ARID1B: variants seen among roughly 807,000 people sequenced by gnomAD.
ARID1B encodes AT-rich interaction domain 1B.
Under a neutral mutation model 212.3 loss-of-function variants are expected in ARID1B, and 30 were observed. That is an observed-to-expected ratio of 0.14 (90% CI 0.11 to 0.19). The LOEUF is 0.19. Among genes scored for constraint, ARID1B ranks in the 10% least tolerant of loss-of-function variants. The probability of loss-of-function intolerance (pLI) is 1.00; values close to 1 mark genes in which losing one functional copy is unlikely to be tolerated. For synonymous variants in ARID1B, 1,402 were observed against 1,301.7 expected (o/e 1.08, Z -1.66); for missense variants, 2,891 against 3,204.0 (o/e 0.90, Z 2.36).
At chr6:157,071,008 C>T (rs539516092) in intron 4 of ARID1B, among the ~76,000 whole-genome samples, 43 of 152,306 alleles carry the variant, frequency 2.8e-4, no homozygotes, top group African/African-American at 9.6e-4. Flanking sequence ...TCGTGCAGCT[C>T]GGAGCAGATT....
intron 2 of ARID1B, among the ~76,000 whole-genome samples, chr6:156,887,500 A>G (rs1787606058): frequency 1.3e-5 from 2 of 152,232 alleles, no homozygotes; most frequent in Admixed American, 6.5e-5. Context: ...AAGTATCTTC[A>G]TGGAACACTT....
At chr6:156,984,269 A>G (rs1474023527) in intron 4 of ARID1B, among the ~76,000 whole-genome samples, 1 of 152,308 alleles carries the variant, frequency 6.6e-6, no homozygotes, top group East Asian at 1.9e-4. Context: ...CATTAGTTTA[A>G]TAATCATTGG....
chr6:157,188,887 A>G (rs1478064640), intron 13 of ARID1B, among the ~76,000 whole-genome samples: 2 of 152,242 alleles, frequency 1.3e-5, no homozygotes, highest in African/African-American at 2.4e-5. Context: ...AATTTTTCCA[A>G]GAGTCCCACA....
intron 8 of ARID1B, among the ~76,000 whole-genome samples, chr6:157,162,127 C>T (rs568349834): frequency 6.6e-6 from 1 of 152,352 alleles, no homozygotes; most frequent in Admixed American, 6.5e-5. Context: ...CCACACACTT[C>T]ACCGTCTGTC....
At chr6:157,136,572 A>G (rs996477452) in intron 7 of ARID1B, among the ~76,000 whole-genome samples, 7 of 152,186 alleles carry the variant, frequency 4.6e-5, no homozygotes, top group Non-Finnish European at 1.0e-4. Flanking sequence ...TATATATAAA[A>G]AATTACTGGT....
At chr6:157,152,526 C>T (rs1231034576) in intron 8 of ARID1B, 1 of 152,180 alleles carries the variant, frequency 6.6e-6, no homozygotes. Flanking sequence ...CTACACTATT[C>T]TTTCTAAAAA....
At chr6:157,114,668 A>C (rs999076028) in intron 6 of ARID1B, among the ~76,000 whole-genome samples, 1 of 152,202 alleles carries the variant, frequency 6.6e-6, no homozygotes, top group East Asian at 1.9e-4. Flanking sequence ...TGTTTTAATA[A>C]ATAAGATTCT....
At chr6:157,167,794 G>A (rs1562318635) in intron 9 of ARID1B, 1 of 152,408 alleles carries the variant, frequency 6.6e-6, no homozygotes, top group Non-Finnish European at 1.5e-5. Flanking sequence ...TAGCCAATGT[G>A]TGGAAAATAT....
chr6:157,154,475 G>C (rs1790415703), intron 8 of ARID1B, among the ~76,000 whole-genome samples: 1 of 151,410 alleles, frequency 6.6e-6, no homozygotes. Flanking sequence ...TTTTATGGTG[G>C]AGTCAACAAA....
intron 3 of ARID1B, among the ~76,000 whole-genome samples, chr6:156,909,399 C>T (rs1272817430): frequency 6.6e-6 from 1 of 152,184 alleles, no homozygotes; most frequent in Non-Finnish European, 1.5e-5. Flanking sequence ...GCTGGAATTA[C>T]AGGCGTGAGT....
intron 4 of ARID1B, among the ~76,000 whole-genome samples, chr6:156,945,071 T>C (rs763837734): frequency 1.4e-4 from 21 of 149,880 alleles, no homozygotes; most frequent in Non-Finnish European, 2.8e-4. Context: ...TACAGGCACT[T>C]GCCACCAAGT....
chr6:157,039,828 C>CTT (rs1583198109), intron 4 of ARID1B, among the ~76,000 whole-genome samples: 1 of 114,394 alleles, frequency 8.7e-6, no homozygotes, highest in East Asian at 2.8e-4. Flanking sequence ...TTCTCTCTTT[C>CTT]TCTCTTTCTT....
rs1791919624 is a variant in ARID1B, at chr6:157,174,089, G to C, written c.3317G>C (p.Gly1106Ala). ...LPLKADGKEEGTPQPESKSKD... is the reference protein window; with the variant it reads ...LPLKADGKEEATPQPESKSKD... ...CTCAAAGCAGACGGCAAAGAAGAAG[G>C]CACTCCACAGCCCGAGAGCAAGTCA... Residue 1106 changes from glycine (G) to alanine (A), a missense_variant, in exon 10 of 20, where the codon GGC (glycine) becomes GCC (alanine). Gly to Ala is a moderately conservative substitution (Grantham distance 60). Coordinates refer to ENST00000636930, the MANE Select transcript of ARID1B (RefSeq NM_001374828.1). The C allele has an allele frequency of 1.9e-6, 3 of 1,614,134 alleles. No individual in the cohort carries two copies. The highest frequency in any genetic ancestry group is 2.5e-6 in the Non-Finnish European group (3 of 1,180,000).
At position 157,201,289 on chromosome 6, in the gene ARID1B, C is replaced by T. The variant is rs2128375703; in HGVS notation, c.5064C>T (p.Asn1688=). 6.2e-7 allele frequency: 1 copy of T among 1,614,170 alleles called. No individual in the cohort carries two copies. The highest frequency in any genetic ancestry group is 8.5e-7 in the Non-Finnish European group (1 of 1,180,018). The change falls in exon 18 of 20, where the codon AAC becomes AAT. Residue 1688 remains asparagine (N), a synonymous_variant. Transcript: ENST00000636930. The surrounding 1 kb of genome is among the most constrained non-coding windows in gnomAD (Gnocchi z 5.2). ...CGTCCTTCCAGCGCTCCCTGGAGAACCGCATGTCTCCAAGCAAGTCTCCTT... is the reference window on the plus strand; with the variant it reads ...CGTCCTTCCAGCGCTCCCTGGAGAATCGCATGTCTCCAAGCAAGTCTCCTT... ...SPASFQRSLE[N]RMSPSKSPFL... is the part of the protein sequence containing the mutation.
At chr6:157,143,345 C>T (rs566237909) in intron 7 of ARID1B, among the ~76,000 whole-genome samples, 21 of 152,094 alleles carry the variant, frequency 1.4e-4, no homozygotes, top group Non-Finnish European at 2.2e-4. Context: ...TAAGATTGCA[C>T]TTCTCATTCC....
At chr6:157,017,545 T>A (rs1169139740) in intron 4 of ARID1B, among the ~76,000 whole-genome samples, 1 of 152,244 alleles carries the variant, frequency 6.6e-6, no homozygotes, top group Non-Finnish European at 1.5e-5. Context: ...GGCATTTAGT[T>A]AGCATCTTTC....
chr6:156,933,515 T>C (rs1791922679), intron 3 of ARID1B, among the ~76,000 whole-genome samples: 2 of 152,054 alleles, frequency 1.3e-5, no homozygotes, highest in African/African-American at 4.8e-5. Flanking sequence ...AGGGGGAAGG[T>C]GGTGGGGAGA....
In ARID1B at chr6:157,206,796, A is replaced by C. The variant is rs775668266; in HGVS notation, c.6024A>C (p.Pro2008=). 4.3e-6 allele frequency: 7 copies of C among 1,614,028 alleles called. No individual in the cohort carries two copies. The highest frequency in any genetic ancestry group is 5.9e-6 in the Non-Finnish European group (7 of 1,180,038). ...ATIDDVLSAR[P]GALPEDANPG... ...TCGATGACGTCCTCTCTGCTCGGCC[A>C]GGGGCATTGCCTGAAGACGCAAACC... The change falls in exon 20 of 20, where the codon CCA becomes CCC. Residue 2008 remains proline (P), a synonymous_variant. Transcript: ENST00000636930. This position sits in a 1 kb window ranked among gnomAD's most constrained non-coding sequence, Gnocchi z 6.8.
At chr6:156,928,996 C>T (rs1219598920) in intron 3 of ARID1B, among the ~76,000 whole-genome samples, 1 of 152,184 alleles carries the variant, frequency 6.6e-6, no homozygotes, top group Non-Finnish European at 1.5e-5. Flanking sequence ...TTCCAGTTGT[C>T]TCTAGTGTAC....
Sources: allele counts gnomAD v4.1 joint callset (sites outside exome capture counted in the v4.1 genomes callset), GRCh38; gene constraint gnomAD v4.1.1; non-coding constraint Gnocchi (gnomAD v3.1); transcripts MANE v1.5; gene names NCBI Gene and HGNC (gene_info 2026-07-23, HGNC 2026-07-21).